CBX5: variants seen among roughly 807,000 people sequenced by gnomAD.
CBX5 encodes chromobox 5.
In CBX5, 7 loss-of-function variants were observed where a neutral mutation model predicts 20.7. The ratio of observed to expected loss-of-function variants is 0.34; its 90% CI spans 0.19 to 0.63. The LOEUF (loss-of-function observed/expected upper bound fraction) is 0.63. Ranked by LOEUF, CBX5 falls within the 30% of genes least tolerant of loss-of-function variation. The pLI is 0.75. For synonymous variants in CBX5, 78 were observed against 77.0 expected (o/e 1.01, Z -0.07); for missense variants, 110 against 224.1 (o/e 0.49, Z 3.25).
intron 1 of CBX5, 111 bp downstream of exon 1, chr12:54,279,897 T>G (rs1245692228): frequency 6.7e-6 from 1 of 148,860 alleles, no homozygotes; most frequent in African/African-American, 2.5e-5. Context: ...GACCCACCGC[T>G]GCCCCTTCAC....
At chr12:54,253,907 T>C (rs973426327) in intron 2 of CBX5, among the ~76,000 whole-genome samples, 3 of 151,666 alleles carry the variant, frequency 2.0e-5, no homozygotes, top group African/African-American at 7.3e-5. Context: ...ATTACAGGCA[T>C]GCGCCACCAA....
In CBX5 at chr12:54,233,923, C is replaced by T. The variant is rs929678369; in HGVS notation, c.*7832G>A. On this transcript the variant is annotated 3_prime_UTR_variant, in exon 5 of 5. Transcript: ENST00000209875. ...ACTGTGGCCGGGTGCTGGCTCACGC[C>T]TGCAATCCCAGCACTTTGAGTGGCC... 2.7e-4 allele frequency: 41 copies of T among 152,058 alleles called. No homozygotes were observed. The highest frequency in any genetic ancestry group is 9.4e-4 in the African/African-American group (39 of 41,356). 9.4% of individuals were successfully genotyped at this position (152,058 alleles called of 1,614,324 possible).
intron 1 of CBX5, among the ~76,000 whole-genome samples, chr12:54,275,858 C>T (rs1306553678): frequency 2.0e-5 from 3 of 151,712 alleles, no homozygotes; most frequent in East Asian, 2.0e-4. Context: ...ATTAGCCGGA[C>T]GTATGCCTGT....
chr12:54,250,799 G>A (rs1434094329), intron 3 of CBX5, among the ~76,000 whole-genome samples: 25 of 87,584 alleles, frequency 2.9e-4, no homozygotes, highest in Non-Finnish European at 4.0e-4. Flanking sequence ...GCGACAGAGC[G>A]AGACTCCGTC....
chr12:54,266,200 C>G (rs1943954805), intron 1 of CBX5, among the ~76,000 whole-genome samples: 1 of 152,056 alleles, frequency 6.6e-6, no homozygotes, highest in Non-Finnish European at 1.5e-5. Flanking sequence ...GAGTTCAAGA[C>G]CAGCCTGGCC....
rs956289552 is a variant in CBX5 at position 54,241,072 on chromosome 12, C to T, written c.*683G>A. On this transcript the variant is annotated 3_prime_UTR_variant, in exon 5 of 5. Transcript: ENST00000209875. ...AAGTGGGGAGTGCTAAAAGCAATACCGAAAGTCCTGGGGCTAAAAAGAGTG... is the reference window on the plus strand; with the variant it reads ...AAGTGGGGAGTGCTAAAAGCAATACTGAAAGTCCTGGGGCTAAAAAGAGTG... The T allele has an allele frequency of 1.3e-5, 2 of 151,996 alleles. No individual in the cohort carries two copies. Among genetic ancestry groups the T allele is most frequent in the African/African-American group, 4.8e-5 (2 of 41,356 alleles). The allele number at this position is 151,996 out of a possible 1,614,324, so 9.4% of individuals were successfully genotyped here.
intron 1 of CBX5, chr12:54,273,180 A>T (rs1429658866): frequency 2.6e-5 from 4 of 152,222 alleles, no homozygotes; most frequent in Non-Finnish European, 5.9e-5. Flanking sequence ...GCGGTGACTT[A>T]TGCCTGTAAT....
intron 4 of CBX5, among the ~76,000 whole-genome samples, chr12:54,244,695 G>A (rs973348925): frequency 2.6e-5 from 4 of 151,948 alleles, no homozygotes; most frequent in Non-Finnish European, 4.4e-5. Context: ...CCAAGATCGC[G>A]CCACTGCACT....
Position 54,232,547 on chromosome 12 carries a change from G to A in CBX5, c.*9208C>T, listed in dbSNP as rs1413587037. On this transcript the variant is annotated 3_prime_UTR_variant, in exon 5 of 5. Transcript: ENST00000209875. ...CAACCATTATCAATCAGTTGAGGAG[G>A]TGGGCACACAGAGTCAGCATCCACT... The A allele has an allele frequency of 2.0e-5, 3 of 152,140 alleles. No individual in the cohort carries two copies. The highest frequency in any genetic ancestry group is 4.4e-5 in the Non-Finnish European group (3 of 68,050). 9.4% of individuals were successfully genotyped at this position (152,140 alleles called of 1,614,324 possible).
chr12:54,242,524 C>CAAAAA (rs34124128), intron 4 of CBX5, among the ~76,000 whole-genome samples: 1 of 76,976 alleles, frequency 1.3e-5, no homozygotes, highest in Non-Finnish European at 2.7e-5. Flanking sequence ...GACTCCGTCT[C>CAAAAA]AAAAAAAAAA....
At chr12:54,267,228 T>C (rs1316251723) in intron 1 of CBX5, among the ~76,000 whole-genome samples, 1 of 152,218 alleles carries the variant, frequency 6.6e-6, no homozygotes, top group African/African-American at 2.4e-5. Context: ...AACATTTGAG[T>C]AGATTGTCAT....
rs1387441157 is a variant in CBX5, at chr12:54,231,758, T to A, written c.*9997A>T. On this transcript the variant is annotated 3_prime_UTR_variant, in exon 5 of 5. Transcript: ENST00000209875. ...GATGACAGATGTTGAATACGGTGAA[T>A]GGGATGAAGCTTTAAGGATCAATGC... 3 of 152,218 alleles carry A rather than the reference T, an allele frequency of 2.0e-5. No individual in the cohort carries two copies. Among genetic ancestry groups the A allele is most frequent in the African/African-American group, 7.2e-5 (3 of 41,436 alleles). 9.4% of individuals were successfully genotyped at this position (152,218 alleles called of 1,614,324 possible).
Position 54,252,047 on chromosome 12 carries a change from C to CT in CBX5, c.317dup (p.Arg107GlufsTer6). 1.7e-5 allele frequency: 27 copies of CT among 1,569,936 alleles called. No individual in the cohort carries two copies. The highest frequency in any genetic ancestry group is 7.4e-5 in the South Asian group (6 of 80,786). Reference sequence around the variant, plus strand: ...AAAGGGAAAGGAAGCTTACCTCTCTCTTTTTTTTAGATTTGATGTCATCGG... The same window carrying CT: ...AAAGGGAAAGGAAGCTTACCTCTCTCTTTTTTTTTAGATTTGATGTCATCGG... On this transcript the variant is annotated frameshift_variant, in exon 3 of 5. Coordinates refer to ENST00000209875, the MANE Select transcript of CBX5 (RefSeq NM_012117.3). LOFTEE classifies it high-confidence loss of function.
intron 4 of CBX5, among the ~76,000 whole-genome samples, chr12:54,242,174 T>C (rs1322819211): frequency 6.6e-6 from 1 of 152,136 alleles, no homozygotes. Flanking sequence ...TAAATAATAT[T>C]AATCTGCTTC....
At chr12:54,263,472 C>T (rs1490172267) in intron 1 of CBX5, among the ~76,000 whole-genome samples, 5 of 152,104 alleles carry the variant, frequency 3.3e-5, no homozygotes, top group Admixed American at 2.0e-4. Context: ...CAGCGGCTCT[C>T]GCCTGTAATC....
intron 3 of CBX5, among the ~76,000 whole-genome samples, chr12:54,251,447 A>G (rs1943800915): frequency 7.0e-6 from 1 of 143,222 alleles, no homozygotes; most frequent in Non-Finnish European, 1.5e-5. Context: ...TGAACCCGGG[A>G]GGCAGAGCTT....
chr12:54,252,525 T>G (rs894370715), intron 2 of CBX5: 2 of 299,484 alleles, frequency 6.7e-6, no homozygotes, highest in Admixed American at 5.3e-5. Flanking sequence ...ATGTGGTATA[T>G]CCATACAAAG....
chr12:54,242,612 T>A (rs1428044057), intron 4 of CBX5, among the ~76,000 whole-genome samples: 1 of 151,434 alleles, frequency 6.6e-6, no homozygotes, highest in Non-Finnish European at 1.5e-5. Context: ...AGTTTCCAGA[T>A]CATCTAAGTG....
intron 3 of CBX5, among the ~76,000 whole-genome samples, chr12:54,246,490 T>C (rs1349804130): frequency 6.6e-6 from 1 of 152,092 alleles, no homozygotes; most frequent in Non-Finnish European, 1.5e-5. Flanking sequence ...TCCTATAAGA[T>C]ACTCCGGAGT....
Sources: gnomAD v4.1 joint callset for allele counts (sites outside exome capture counted in the v4.1 genomes callset) on GRCh38, gnomAD v4.1.1 for gene constraint, MANE v1.5 for transcripts, NCBI Gene and HGNC (gene_info 2026-07-23, HGNC 2026-07-21) for gene names.